The following MAP3K5 variants were observed in gnomAD, a reference collection of about 807,000 sequenced individuals.
MAP3K5 encodes mitogen-activated protein kinase kinase kinase 5, also known as ASK-1.
Under a neutral mutation model 158.7 loss-of-function variants are expected in MAP3K5, and 56 were observed. The ratio of observed to expected loss-of-function variants is 0.35; its 90% CI spans 0.28 to 0.44. The LOEUF (loss-of-function observed/expected upper bound fraction) is 0.44. Ranked by LOEUF, MAP3K5 falls within the 20% of genes least tolerant of loss-of-function variation. The probability of loss-of-function intolerance (pLI) is 1.00; values close to 1 mark genes in which losing one functional copy is unlikely to be tolerated. For missense variants in MAP3K5, 1,294 were observed against 1,674.8 expected, an observed-to-expected ratio of 0.77 and a Z score of 3.97; for synonymous variants, 579 against 601.7, an observed-to-expected ratio of 0.96 and a Z score of 0.55.
chr6:136,588,879 T>C (rs774231486), intron 23 of MAP3K5, among the ~76,000 whole-genome samples: 6 of 152,328 alleles, frequency 3.9e-5, no homozygotes, highest in Admixed American at 2.0e-4. Flanking sequence ...GAGCACCTTC[T>C]TCCTGGGCCT....
At chr6:136,659,106 C>T (rs1778893023) in intron 9 of MAP3K5, 113 bp downstream of exon 9, 6 of 961,080 alleles carry the variant, frequency 6.2e-6, no homozygotes, top group African/African-American at 1.7e-5. Context: ...CTATATTCTG[C>T]ATTTTATTTT....
chr6:136,657,827 T>C (rs1417802516), intron 9 of MAP3K5, among the ~76,000 whole-genome samples: 1 of 152,180 alleles, frequency 6.6e-6, no homozygotes, highest in African/African-American at 2.4e-5. Context: ...CACTCATGCA[T>C]GAAACCAGCA....
At chr6:136,784,656 C>A (rs1344504476) in intron 1 of MAP3K5, among the ~76,000 whole-genome samples, 1 of 152,054 alleles carries the variant, frequency 6.6e-6, no homozygotes, top group African/African-American at 2.4e-5. Context: ...GGCTGCAGGG[C>A]GGTTCCAATC....
At chr6:136,598,409 G>T (rs1228979823) in intron 21 of MAP3K5, among the ~76,000 whole-genome samples, 2 of 152,182 alleles carry the variant, frequency 1.3e-5, no homozygotes, top group Admixed American at 1.3e-4. Flanking sequence ...TGGTGGAGAT[G>T]ATTTTTTCCA....
chr6:136,723,600 T>C lies in MAP3K5; in HGVS notation c.449-3011A>G, dbSNP rs571206831. Among the ~76,000 whole-genome samples the C allele has an allele frequency of 4.3e-4, 65 of 152,304 alleles. 1 individual carries two copies. The highest frequency in any genetic ancestry group is 8.4e-4 in the Non-Finnish European group (57 of 68,020). On this transcript the variant is annotated intron_variant, in intron 1 of 29. Transcript: ENST00000359015. Reference sequence around the variant, plus strand: ...CACAATTTAGGAATCTATCAAAATATAAAATGAACAACATTCAAGACCTGT... The same window carrying C: ...CACAATTTAGGAATCTATCAAAATACAAAATGAACAACATTCAAGACCTGT...
At chr6:136,700,994 G>A (rs1189762865) in intron 3 of MAP3K5, among the ~76,000 whole-genome samples, 2 of 152,200 alleles carry the variant, frequency 1.3e-5, no homozygotes, top group Non-Finnish European at 2.9e-5. Context: ...TATTCACCAT[G>A]TGTGTGTGCC....
At chr6:136,742,046 A>G (rs1367791608) in intron 1 of MAP3K5, among the ~76,000 whole-genome samples, 1 of 152,242 alleles carries the variant, frequency 6.6e-6, no homozygotes, top group Non-Finnish European at 1.5e-5. Context: ...GGAAGACTCA[A>G]TGTTGTCAAG....
chr6:136,567,933 T>C, intron 25 of MAP3K5, 59 bp from the exon 26 acceptor site: 1 of 1,559,278 alleles, frequency 6.4e-7, no homozygotes, highest in Non-Finnish European at 8.7e-7. Context: ...CCTTAATTTC[T>C]TAAGATATGA....
chr6:136,723,827 T>G (rs1049183816), intron 1 of MAP3K5, among the ~76,000 whole-genome samples: 1 of 152,188 alleles, frequency 6.6e-6, no homozygotes, highest in African/African-American at 2.4e-5. Context: ...TTCAGAAGTT[T>G]TTTTTCCCCC....
chr6:136,760,690 C>T (rs1189115663), intron 1 of MAP3K5, among the ~76,000 whole-genome samples: 2 of 152,178 alleles, frequency 1.3e-5, no homozygotes, highest in Non-Finnish European at 1.5e-5. Context: ...ACACTCCAGG[C>T]CAGGCACTGT....
At chr6:136,712,814 C>T (rs973160828) in intron 2 of MAP3K5, among the ~76,000 whole-genome samples, 4 of 152,144 alleles carry the variant, frequency 2.6e-5, no homozygotes, top group South Asian at 2.1e-4. Context: ...ATAAGTCTCA[C>T]GAGGTCTGAT....
chr6:136,774,221 C>A (rs914348197), intron 1 of MAP3K5, among the ~76,000 whole-genome samples: 1 of 152,106 alleles, frequency 6.6e-6, no homozygotes, highest in Admixed American at 6.5e-5. Context: ...TCTCAAAGAA[C>A]CTTACATAAA....
In MAP3K5 at chr6:136,642,921, T is replaced by C. The variant is rs111534620; in HGVS notation, c.1789-352A>G. 2.3e-3 allele frequency among the ~76,000 whole-genome samples: 351 copies of C among 152,332 alleles called. 1 individual carries two copies. The highest frequency in any genetic ancestry group is 8.0e-3 in the African/African-American group (333 of 41,580). On this transcript the variant is annotated intron_variant, in intron 11 of 29. Transcript: ENST00000359015. ...TTCTATTATTACAGTTGAGAAATACTTCTTTTCCGAGAAAGATAAACATTA... is the reference window on the plus strand; with the variant it reads ...TTCTATTATTACAGTTGAGAAATACCTCTTTTCCGAGAAAGATAAACATTA...
At chr6:136,605,462 C>A in intron 18 of MAP3K5, 96 bp from the exon 19 acceptor site, 1 of 1,016,632 alleles carries the variant, frequency 9.8e-7, no homozygotes. Context: ...AGAAATGAGA[C>A]AACTGTAAAA....
intron 1 of MAP3K5, among the ~76,000 whole-genome samples, chr6:136,787,517 T>C (rs1329915248): frequency 6.6e-6 from 1 of 152,236 alleles, no homozygotes; most frequent in Non-Finnish European, 1.5e-5. Context: ...CTCCACTCTT[T>C]TCTGAGGCTT....
intron 4 of MAP3K5, among the ~76,000 whole-genome samples, chr6:136,698,236 T>C (rs183364854): frequency 4.9e-4 from 75 of 152,360 alleles, no homozygotes; most frequent in African/African-American, 1.8e-3. Context: ...TTGCTTTGTA[T>C]ATATTTTTAG....
At chr6:136,791,609 G>C (rs577159994) in intron 1 of MAP3K5, 101 bp downstream of exon 1, 18 of 1,322,852 alleles carry the variant, frequency 1.4e-5, no homozygotes, top group Non-Finnish European at 2.1e-6. Flanking sequence ...AGTGGGGCAA[G>C]AAGTAAATGC....
chr6:136,634,966 C>A (rs1777551661), intron 14 of MAP3K5, among the ~76,000 whole-genome samples: 1 of 151,174 alleles, frequency 6.6e-6, no homozygotes, highest in Admixed American at 6.6e-5. Context: ...CTCACTGAAA[C>A]CTCTGCCTCC....
chr6:136,640,765 G>A (rs546086397), intron 12 of MAP3K5, among the ~76,000 whole-genome samples: 2 of 152,270 alleles, frequency 1.3e-5, no homozygotes, highest in Non-Finnish European at 2.9e-5. Context: ...CCACTAACTC[G>A]AGCTGTGCAA....
Sources: gnomAD v4.1 joint callset for allele counts (sites outside exome capture counted in the v4.1 genomes callset) on GRCh38, gnomAD v4.1.1 for gene constraint, MANE v1.5 for transcripts, NCBI Gene and HGNC (gene_info 2026-07-23, HGNC 2026-07-21) for gene names.